CSMD1: variants seen among roughly 807,000 people sequenced by gnomAD.
The protein encoded by CSMD1 is CUB and Sushi multiple domains 1.
Under a neutral mutation model 417.5 loss-of-function variants are expected in CSMD1, and 213 were observed. The observed-to-expected ratio is 0.51, with a 90% CI of 0.46 to 0.57. The LOEUF (loss-of-function observed/expected upper bound fraction) is 0.57. Ranked by LOEUF, CSMD1 falls within the 20% of genes least tolerant of loss-of-function variation. CSMD1 has a pLI of 0.00. For synonymous variants in CSMD1, 2,862 were observed against 1,736.8 expected, an observed-to-expected ratio of 1.65 and a Z score of -16.11; for missense variants, 6,923 against 4,529.7, an observed-to-expected ratio of 1.53 and a Z score of -15.17.
intron 3 of CSMD1, among the ~76,000 whole-genome samples, chr8:4,088,801 G>C (rs7828103): frequency 0.99 from 150,825 of 152,216 alleles, 74,736 homozygotes; most frequent in East Asian, 1. Context: ...CAAACACATT[G>C]ATCCCTCAGC....
chr8:3,366,100 T>C (rs13273853), intron 20 of CSMD1, among the ~76,000 whole-genome samples: 34,732 of 152,122 alleles, frequency 0.23, 4,021 homozygotes, highest in Middle Eastern at 0.28. Flanking sequence ...GACCACCTTA[T>C]GAAAATTACA....
At chr8:4,751,209 G>C (rs945499025) in intron 1 of CSMD1, among the ~76,000 whole-genome samples, 12 of 152,110 alleles carry the variant, frequency 7.9e-5, no homozygotes, top group African/African-American at 2.9e-4. Context: ...ACATGGCGAA[G>C]ACCCATCTCT....
intron 3 of CSMD1, among the ~76,000 whole-genome samples, chr8:4,156,821 G>C (rs773054821): frequency 1.3e-5 from 2 of 152,086 alleles, no homozygotes; most frequent in South Asian, 2.1e-4. Flanking sequence ...CGAGCAGCAA[G>C]TACTATGAAC....
At chr8:4,617,763 A>G (rs999322392) in intron 2 of CSMD1, among the ~76,000 whole-genome samples, 7 of 152,016 alleles carry the variant, frequency 4.6e-5, no homozygotes, top group South Asian at 4.1e-4. Flanking sequence ...GGCATTCCTC[A>G]TTATTAGAAA....
At chr8:3,509,538 T>C (rs1252345029) in intron 10 of CSMD1, among the ~76,000 whole-genome samples, 1 of 152,218 alleles carries the variant, frequency 6.6e-6, no homozygotes. Flanking sequence ...TCTACCAAGA[T>C]TGCCTCTAAA....
At chr8:4,437,996 G>A (rs1014626372) in intron 2 of CSMD1, among the ~76,000 whole-genome samples, 55 of 152,050 alleles carry the variant, frequency 3.6e-4, no homozygotes, top group Admixed American at 2.4e-3. Context: ...CCAATAAAGT[G>A]GTCTGATCTG....
Position 4,220,194 on chromosome 8 carries a change from G to A in CSMD1, c.416-188095C>T, listed in dbSNP as rs565018498. Among the ~76,000 whole-genome samples, 8 of 152,282 alleles carry A rather than the reference G, an allele frequency of 5.3e-5. No individual in the cohort carries two copies. In the South Asian group the frequency reaches 1.5e-3, roughly 28 times the overall value. On this transcript the variant is annotated intron_variant, in intron 3 of 69. Coordinates refer to ENST00000635120, the MANE Select transcript of CSMD1 (RefSeq NM_033225.6). Reference sequence around the variant, plus strand: ...TTGAACTCCTGACGTCAGGTGATGTGCTCGCCTTCGCCTCTCAGAGTGCCG... The same window carrying A: ...TTGAACTCCTGACGTCAGGTGATGTACTCGCCTTCGCCTCTCAGAGTGCCG...
chr8:4,201,669 T>C (rs1263201507), intron 3 of CSMD1, among the ~76,000 whole-genome samples: 1 of 151,734 alleles, frequency 6.6e-6, no homozygotes, highest in Non-Finnish European at 1.5e-5. Flanking sequence ...TTCATTTCTA[T>C]AATTTACTCA....
chr8:3,430,138 C>G (rs548633340), intron 12 of CSMD1, among the ~76,000 whole-genome samples: 2 of 152,110 alleles, frequency 1.3e-5, no homozygotes, highest in South Asian at 4.1e-4. Flanking sequence ...CATATACATA[C>G]AAACATATGA....
chr8:4,163,866 C>T (rs138325540), intron 3 of CSMD1, among the ~76,000 whole-genome samples: 302 of 152,226 alleles, frequency 2.0e-3, no homozygotes, highest in African/African-American at 7.1e-3. Context: ...AAATACCATG[C>T]CATGAAAAGA....
chr8:3,305,257 C>G (rs1180896805), intron 25 of CSMD1, among the ~76,000 whole-genome samples: 1 of 152,120 alleles, frequency 6.6e-6, no homozygotes, highest in East Asian at 1.9e-4. Context: ...TGTTACTCAG[C>G]TATAACTTAG....
chr8:4,592,403 T>C (rs1016317450), intron 2 of CSMD1, among the ~76,000 whole-genome samples: 6 of 152,114 alleles, frequency 3.9e-5, no homozygotes, highest in Admixed American at 2.0e-4. Flanking sequence ...TTTGTTGTTT[T>C]TGAGGTGGAG....
intron 3 of CSMD1, among the ~76,000 whole-genome samples, chr8:4,081,210 T>A (rs1563098355): frequency 6.6e-6 from 1 of 152,246 alleles, no homozygotes; most frequent in South Asian, 2.1e-4. Context: ...GTCTGTGGCG[T>A]TTTGTTATGC....
At chr8:4,454,070 C>T (rs1244476701) in intron 2 of CSMD1, among the ~76,000 whole-genome samples, 1 of 152,048 alleles carries the variant, frequency 6.6e-6, no homozygotes, top group Non-Finnish European at 1.5e-5. Flanking sequence ...GATCCGCCCG[C>T]CTCGGCCTCC....
At chr8:4,799,749 C>T (rs73179684) in intron 1 of CSMD1, among the ~76,000 whole-genome samples, 20,472 of 150,862 alleles carry the variant, frequency 0.14, 1,679 homozygotes, top group Non-Finnish European at 0.18. Flanking sequence ...AAAAGCTTTA[C>T]ATTTGACCTG....
At chr8:3,182,620 G>GGC (rs1821421663) in intron 36 of CSMD1, among the ~76,000 whole-genome samples, 1 of 70,104 alleles carries the variant, frequency 1.4e-5, no homozygotes. Flanking sequence ...GTGTGTGTGT[G>GGC]TGTGTGTGTG....
rs1170154807 is a variant in CSMD1, at chr8:4,368,868, A to G, written c.415+51085T>C. On this transcript the variant is annotated intron_variant, in intron 3 of 69. Transcript: ENST00000635120. Reference sequence around the variant, plus strand: ...TCTTCTTAAAATTAATCTATCTCACAGTCTATCAATCTTATTTAATCCTTC... The same window carrying G: ...TCTTCTTAAAATTAATCTATCTCACGGTCTATCAATCTTATTTAATCCTTC... Among the ~76,000 whole-genome samples the G allele has an allele frequency of 3.9e-5, 6 of 152,180 alleles. No individual in the cohort carries two copies. In the South Asian group the frequency reaches 1.0e-3, roughly 26 times the overall value.
rs1004231198 is a variant in CSMD1, at chr8:3,770,827, T to A, written c.819-16785A>T. On this transcript the variant is annotated intron_variant, in intron 5 of 69. Transcript: ENST00000635120. ...ACCATTATATATTTAGCAGCTGACCTAAGAAAAGATAAAGGAGGAAAAACA... is the reference window on the plus strand; with the variant it reads ...ACCATTATATATTTAGCAGCTGACCAAAGAAAAGATAAAGGAGGAAAAACA... Among the ~76,000 whole-genome samples the A allele has an allele frequency of 2.1e-4, 32 of 152,136 alleles. 1 individual carries two copies. The highest frequency in any genetic ancestry group is 4.0e-4 in the Non-Finnish European group (27 of 68,024).
chr8:2,951,332 A>G (rs1340214102), intron 65 of CSMD1, 57 bp from the exon 66 acceptor site: 10 of 1,507,628 alleles, frequency 6.6e-6, no homozygotes, highest in East Asian at 2.4e-5. Context: ...ATAAATTCAG[A>G]CATTATTAAA....
Sources: allele counts gnomAD v4.1 joint callset (sites outside exome capture counted in the v4.1 genomes callset), GRCh38; gene constraint gnomAD v4.1.1; transcripts MANE v1.5; gene names NCBI Gene and HGNC (gene_info 2026-07-23, HGNC 2026-07-21).